The following RORA variants were observed in gnomAD, a reference collection of about 807,000 sequenced individuals.
RORA encodes the protein RAR related orphan receptor A, also known as nuclear receptor ROR-alpha.
In RORA, 7 loss-of-function variants were observed where a neutral mutation model predicts 69.5. The ratio of observed to expected loss-of-function variants is 0.10; its 90% CI spans 0.06 to 0.19. The LOEUF (loss-of-function observed/expected upper bound fraction) is 0.19, where lower values mean the gene tolerates loss of function less well. Ranked by LOEUF, RORA falls within the 10% of genes least tolerant of loss-of-function variation. RORA has a pLI of 1.00. For missense variants in RORA, 457 were observed against 663.0 expected, an observed-to-expected ratio of 0.69 and a Z score of 3.41; for synonymous variants, 261 against 240.8, an observed-to-expected ratio of 1.08 and a Z score of -0.78.
rs910471238 is a variant in RORA at position 60,511,008 on chromosome 15, C to G, written c.820+218G>C. ...TCAAAGACTGCTTCCGTTGGTTTTG[C>G]CCCATTTCTAATGCTGAGAGGTCAA... On this transcript the variant is annotated intron_variant, in intron 5 of 10. Coordinates refer to ENST00000335670, the MANE Select transcript of RORA (RefSeq NM_134261.3). This position sits in a 1 kb window ranked among gnomAD's most constrained non-coding sequence, Gnocchi z 6.4. Among the ~76,000 whole-genome samples, 1 of 152,086 alleles carries G rather than the reference C, an allele frequency of 6.6e-6. No homozygotes were observed. The highest frequency in any genetic ancestry group is 2.4e-5 in the African/African-American group (1 of 41,390).
At position 60,626,934 on chromosome 15, in the gene RORA, T is replaced by C. The variant is rs147413391; in HGVS notation, c.196+51723A>G. Among the ~76,000 whole-genome samples, 1,083 of 152,292 alleles carry C rather than the reference T, an allele frequency of 7.1e-3. 16 individuals are homozygous for C. Among genetic ancestry groups the C allele is most frequent in the African/African-American group, 0.025 (1,030 of 41,564 alleles). On this transcript the variant is annotated intron_variant, in intron 2 of 10. Transcript: ENST00000335670. Reference sequence around the variant, plus strand: ...CCTCAAATCTCTGTGCTTCAGCTGCTGCCTACCTGCCTCCTCCTGTTCAGA... The same window carrying C: ...CCTCAAATCTCTGTGCTTCAGCTGCCGCCTACCTGCCTCCTCCTGTTCAGA...
At chr15:61,124,900 C>T (rs2079130930) in intron 1 of RORA, among the ~76,000 whole-genome samples, 2 of 152,150 alleles carry the variant, frequency 1.3e-5, no homozygotes, top group African/African-American at 4.8e-5. Flanking sequence ...CCATTATAAT[C>T]TTTGGGTCTT....
chr15:60,785,532 A>G (rs1388961570), intron 1 of RORA, among the ~76,000 whole-genome samples: 1 of 152,248 alleles, frequency 6.6e-6, no homozygotes, highest in Admixed American at 6.5e-5. Flanking sequence ...AATGTGGCAC[A>G]AGGAAATGTC....
At chr15:60,587,766 G>A (rs557758081) in intron 2 of RORA, among the ~76,000 whole-genome samples, 1 of 152,274 alleles carries the variant, frequency 6.6e-6, no homozygotes, top group Non-Finnish European at 1.5e-5. Flanking sequence ...CAGGAGCAAA[G>A]ATTTTTAAAG....
intron 1 of RORA, among the ~76,000 whole-genome samples, chr15:60,831,521 G>A (rs185587770): frequency 6.6e-6 from 1 of 152,122 alleles, no homozygotes; most frequent in Non-Finnish European, 1.5e-5. Context: ...TCTGAGGCAG[G>A]TCCTTACATT....
At chr15:61,013,041 T>C (rs1189814933) in intron 1 of RORA, among the ~76,000 whole-genome samples, 1 of 152,218 alleles carries the variant, frequency 6.6e-6, no homozygotes, top group African/African-American at 2.4e-5. Flanking sequence ...CTGAAATCTT[T>C]CTGGGTACAT....
intron 1 of RORA, among the ~76,000 whole-genome samples, chr15:60,939,369 G>A (rs1426149833): frequency 6.6e-6 from 1 of 152,154 alleles, no homozygotes; most frequent in Non-Finnish European, 1.5e-5. Flanking sequence ...GGAGGGGCAT[G>A]CAGTCATCAG....
intron 1 of RORA, among the ~76,000 whole-genome samples, chr15:60,859,223 G>C (rs570233331): frequency 6.6e-6 from 1 of 152,228 alleles, no homozygotes; most frequent in South Asian, 2.1e-4. Context: ...AATGGTTACT[G>C]TTTACCTGTC....
chr15:61,120,483 A>G (rs551542378), intron 1 of RORA, among the ~76,000 whole-genome samples: 1 of 152,108 alleles, frequency 6.6e-6, no homozygotes, highest in Non-Finnish European at 1.5e-5. Flanking sequence ...GCGGATCACA[A>G]CTTCAGGAGA....
In RORA at chr15:60,537,686, A is replaced by C. The variant is rs945338515; in HGVS notation, c.197-5835T>G. The stretch of plus-strand genomic sequence containing the variant: ...TAGAGCCGAGTTATAGCTGCATCCT[A>C]TGCAAACTAACGATGAACTTGTTTG... On this transcript the variant is annotated intron_variant, in intron 2 of 10. Coordinates refer to ENST00000335670, the MANE Select transcript of RORA (RefSeq NM_134261.3). The surrounding 1 kb of genome is among the most constrained non-coding windows in gnomAD (Gnocchi z 4.9). 3.3e-5 allele frequency among the ~76,000 whole-genome samples: 5 copies of C among 152,218 alleles called. No individual in the cohort carries two copies. The South Asian group carries it at 1.0e-3, about 31-fold the overall frequency.
chr15:60,733,489 A>C (rs2071456081), intron 1 of RORA, among the ~76,000 whole-genome samples: 1 of 152,188 alleles, frequency 6.6e-6, no homozygotes, highest in Admixed American at 6.5e-5. Flanking sequence ...ACACACTTTG[A>C]CGTGAGATCT....
chr15:61,074,785 T>G (rs2092897330), intron 1 of RORA, among the ~76,000 whole-genome samples: 1 of 152,040 alleles, frequency 6.6e-6, no homozygotes, highest in Admixed American at 6.5e-5. Flanking sequence ...CCATGGGATG[T>G]TTTAAAGTTT....
Position 60,815,760 on chromosome 15 carries a change from C to T in RORA, c.167-137074G>A, listed in dbSNP as rs541684442. 3.1e-4 allele frequency among the ~76,000 whole-genome samples: 47 copies of T among 151,498 alleles called. 1 individual carries two copies. The highest frequency in any genetic ancestry group is 5.5e-4 in the Non-Finnish European group (37 of 67,888). On this transcript the variant is annotated intron_variant, in intron 1 of 10. Transcript: ENST00000335670. ...GAGCCCTCCAGCTCATCTTTAGATG[C>T]CCCCTCCCTTGCACTCTGTTCCTCC...
At chr15:60,641,966 C>A (rs577110274) in intron 2 of RORA, among the ~76,000 whole-genome samples, 1 of 152,158 alleles carries the variant, frequency 6.6e-6, no homozygotes, top group Non-Finnish European at 1.5e-5. Context: ...AGTAGCATTG[C>A]GATTCTCTGA....
At chr15:60,939,614 G>A (rs1341371306) in intron 1 of RORA, among the ~76,000 whole-genome samples, 6 of 152,178 alleles carry the variant, frequency 3.9e-5, no homozygotes, top group African/African-American at 1.4e-4. Context: ...CGGCCGTGTC[G>A]GCCATCAGTC....
chr15:61,175,161 C>T (rs180718238), intron 1 of RORA, among the ~76,000 whole-genome samples: 10 of 152,284 alleles, frequency 6.6e-5, no homozygotes, highest in Admixed American at 1.3e-4. Context: ...TTCACTCTGT[C>T]TAGAGCACAG....
chr15:60,799,152 T>C (rs1595723551), intron 1 of RORA, among the ~76,000 whole-genome samples: 1 of 152,280 alleles, frequency 6.6e-6, no homozygotes, highest in Non-Finnish European at 1.5e-5. Flanking sequence ...AGACTCTCTA[T>C]CTCTCTTTGA....
chr15:60,897,280 T>G (rs1891255096), intron 1 of RORA, among the ~76,000 whole-genome samples: 1 of 152,210 alleles, frequency 6.6e-6, no homozygotes, highest in Non-Finnish European at 1.5e-5. Flanking sequence ...CTGCCCTAAC[T>G]TATTACATAT....
At chr15:60,632,254 T>C (rs2069754286) in intron 2 of RORA, among the ~76,000 whole-genome samples, 1 of 152,032 alleles carries the variant, frequency 6.6e-6, no homozygotes, top group African/African-American at 2.4e-5. Context: ...TACAGGAACC[T>C]GCCACTACAC....
Sources: allele counts gnomAD v4.1 joint callset (sites outside exome capture counted in the v4.1 genomes callset), GRCh38; gene constraint gnomAD v4.1.1; non-coding constraint Gnocchi (gnomAD v3.1); transcripts MANE v1.5; gene names NCBI Gene and HGNC (gene_info 2026-07-23, HGNC 2026-07-21).